The following SLC13A3 variants were observed in gnomAD, a reference collection of about 807,000 sequenced individuals.
SLC13A3 encodes the protein Na(+)/dicarboxylate cotransporter 3.
Under a neutral mutation model 59.0 loss-of-function variants are expected in SLC13A3, and 40 were observed. That is an observed-to-expected ratio of 0.68 (90% CI 0.53 to 0.88). The LOEUF is 0.88. Ranked by LOEUF, SLC13A3 falls within the 40% of genes least tolerant of loss-of-function variation. The probability of loss-of-function intolerance (pLI) is 0.00; values close to 1 mark genes in which losing one functional copy is unlikely to be tolerated. For synonymous variants in SLC13A3, 317 were observed against 330.3 expected (o/e 0.96, Z 0.44); for missense variants, 699 against 783.2 (o/e 0.89, Z 1.28).
chr20:46,600,220 GA>G (rs1305865631), intron 3 of SLC13A3, among the ~76,000 whole-genome samples, 183 bp from the exon 4 acceptor site: 10 of 135,082 alleles, frequency 7.4e-5, no homozygotes, highest in African/African-American at 1.6e-4. Context: ...GGAAGGGAGA[GA>G]GGGGGAGGGA....
rs1241746384 is a variant in SLC13A3 at position 46,608,863 on chromosome 20, T to C, written c.541+1583A>G. ...CAGATCTGCCATCTATCTCTCAAGA[T>C]GTGGCTCCTGTCTTTGGGTCCCAGG... On this transcript the variant is annotated intron_variant, in intron 3 of 12. Coordinates refer to ENST00000279027, the MANE Select transcript of SLC13A3 (RefSeq NM_022829.6). 3 of 1,546,220 alleles carry C rather than the reference T, an allele frequency of 1.9e-6. No individual in the cohort carries two copies. The Admixed American group carries it at 5.9e-5, about 30-fold the overall frequency.
intron 1 of SLC13A3, among the ~76,000 whole-genome samples, chr20:46,624,393 A>G (rs1038939098): frequency 6.6e-6 from 1 of 152,238 alleles, no homozygotes; most frequent in African/African-American, 2.4e-5. Context: ...CAACAGCCCT[A>G]TGCAGGAGGT....
upstream of SLC13A3, among the ~76,000 whole-genome samples, chr20:46,673,075 T>C (rs1159318723): frequency 6.6e-6 from 1 of 152,160 alleles, no homozygotes; most frequent in Non-Finnish European, 1.5e-5. Flanking sequence ...CCTGGTGGGC[T>C]CATATCACCC....
chr20:46,595,440 CA>C (rs2062301471), intron 5 of SLC13A3, among the ~76,000 whole-genome samples: 1 of 152,244 alleles, frequency 6.6e-6, no homozygotes, highest in Non-Finnish European at 1.5e-5. Context: ...TGACCACTTC[CA>C]GGGGTGGGGA....
At chr20:46,616,208 C>A (rs1305157214) in intron 1 of SLC13A3, among the ~76,000 whole-genome samples, 2 of 152,146 alleles carry the variant, frequency 1.3e-5, no homozygotes, top group Non-Finnish European at 2.9e-5. Context: ...AGACCAGAGT[C>A]CATAAATACT....
intron 1 of SLC13A3, among the ~76,000 whole-genome samples, chr20:46,635,691 C>T (rs1249209983): frequency 2.6e-5 from 4 of 152,168 alleles, no homozygotes; most frequent in African/African-American, 4.8e-5. Context: ...GAGGCTGAGA[C>T]CTGCTGGGCT....
At chr20:46,572,978 C>T (rs1291187303) in intron 10 of SLC13A3, among the ~76,000 whole-genome samples, 3 of 152,262 alleles carry the variant, frequency 2.0e-5, no homozygotes, top group South Asian at 2.1e-4. Flanking sequence ...GTCAGATAGA[C>T]ATGAGTTCAA....
chr20:46,628,948 C>T (rs1056170384), intron 1 of SLC13A3, among the ~76,000 whole-genome samples: 1 of 152,194 alleles, frequency 6.6e-6, no homozygotes, highest in Non-Finnish European at 1.5e-5. Context: ...TCACTGAACA[C>T]ACTGAGCCTA....
At position 46,610,482 on chromosome 20, in the gene SLC13A3, G is replaced by C. The variant is rs756966303; in HGVS notation, c.505C>G (p.Arg169Gly). 1.2e-6 allele frequency: 2 copies of C among 1,613,808 alleles called. No homozygotes were observed. Among genetic ancestry groups the C allele is most frequent in the Non-Finnish European group, 1.7e-6 (2 of 1,179,976 alleles). ...TCACTCTCCTGGCTGGGGTCCTTTC[G>C]AACCTCCTTCTGGCCAAAGAGACTT... The part of the protein sequence containing the change: ...LKSLFGQKEV[R>G]KDPSQESEEN... The change falls in exon 3 of 13, where the codon CGA (arginine) becomes GGA (glycine). Residue 169 changes from arginine to glycine, a missense_variant. Coordinates refer to ENST00000279027, the MANE Select transcript of SLC13A3 (RefSeq NM_022829.6).
At chr20:46,648,205 G>A (rs564178268) in intron 1 of SLC13A3, among the ~76,000 whole-genome samples, 28 of 152,054 alleles carry the variant, frequency 1.8e-4, no homozygotes, top group East Asian at 3.9e-4. Context: ...GTTTTGCACC[G>A]AGAATACTGC....
At chr20:46,561,811 C>A (rs961354173) in intron 12 of SLC13A3, among the ~76,000 whole-genome samples, 1 of 151,986 alleles carries the variant, frequency 6.6e-6, no homozygotes, top group Non-Finnish European at 1.5e-5. Context: ...TAGAGGGAGT[C>A]GGGCCGACAT....
chr20:46,617,523 G>T (rs75558220), intron 1 of SLC13A3, among the ~76,000 whole-genome samples: 150 of 152,172 alleles, frequency 9.9e-4, no homozygotes, highest in African/African-American at 3.4e-3. Context: ...GGCTCTTTCT[G>T]CCAAATATCC....
chr20:46,561,649 AGTTTTTTTTT>A (rs1340367674), intron 12 of SLC13A3, among the ~76,000 whole-genome samples: 1 of 146,658 alleles, frequency 6.8e-6, no homozygotes, highest in African/African-American at 2.5e-5. Flanking sequence ...TTCTTATTCA[AGTTTTTTTTT>A]GTTTTTTTTT....
upstream of SLC13A3, among the ~76,000 whole-genome samples, chr20:46,654,529 T>C (rs1231731755): frequency 6.6e-6 from 1 of 152,146 alleles, no homozygotes; most frequent in East Asian, 1.9e-4. Context: ...CTATCAGGTA[T>C]AATTTTTTTT....
chr20:46,641,137 A>C (rs2062842748), intron 1 of SLC13A3, among the ~76,000 whole-genome samples: 1 of 152,184 alleles, frequency 6.6e-6, no homozygotes, highest in South Asian at 2.1e-4. Flanking sequence ...TCTGGGCCTC[A>C]GTCTTCCCAG....
At chr20:46,587,149 T>C (rs2062202038) in intron 8 of SLC13A3, among the ~76,000 whole-genome samples, 1 of 152,230 alleles carries the variant, frequency 6.6e-6, no homozygotes, top group Admixed American at 6.5e-5. Context: ...TCTATATTTT[T>C]GCCCCCACTA....
At chr20:46,648,233 CT>C (rs113781450) in intron 1 of SLC13A3, among the ~76,000 whole-genome samples, 14,771 of 148,070 alleles carry the variant, frequency 0.1, 1,329 homozygotes, top group African/African-American at 0.24. Flanking sequence ...GTGAGCTGCA[CT>C]TTTTTTTTTT....
intron 1 of SLC13A3, among the ~76,000 whole-genome samples, chr20:46,628,187 C>T (rs183616340): frequency 9.8e-4 from 150 of 152,300 alleles, no homozygotes; most frequent in African/African-American, 3.4e-3. Flanking sequence ...TCCCGAGGCA[C>T]TGCTCCTTTC....
intron 3 of SLC13A3, chr20:46,608,967 T>G (rs755214288): frequency 1.3e-6 from 2 of 1,550,886 alleles, no homozygotes; most frequent in South Asian, 1.2e-5. Flanking sequence ...CATATTCCAT[T>G]GACCAGACTC....
Sources: gnomAD v4.1 joint callset for allele counts (sites outside exome capture counted in the v4.1 genomes callset) on GRCh38, gnomAD v4.1.1 for gene constraint, MANE v1.5 for transcripts, NCBI Gene and HGNC (gene_info 2026-07-23, HGNC 2026-07-21) for gene names.